The following SLC9C1 variants were observed in gnomAD, a reference collection of about 807,000 sequenced individuals.
SLC9C1 encodes solute carrier family 9 member C1.
A neutral mutation model predicts 140.9 loss-of-function variants in SLC9C1; 97 were observed. The observed-to-expected ratio is 0.69, with a 90% CI of 0.58 to 0.82. SLC9C1 has a LOEUF of 0.82. Among genes scored for constraint, SLC9C1 ranks in the 40% least tolerant of loss-of-function variants. The pLI, the probability that SLC9C1 is intolerant of heterozygous loss-of-function variation, is 0.00. For missense variants in SLC9C1, 1,340 were observed against 1,389.3 expected, an observed-to-expected ratio of 0.96 and a Z score of 0.56; for synonymous variants, 440 against 442.6, an observed-to-expected ratio of 0.99 and a Z score of 0.07.
At position 112,256,391 on chromosome 3, in the gene SLC9C1, G is replaced by C. The variant is rs1237861289; in HGVS notation, c.1197+6533C>G. Among the ~76,000 whole-genome samples the C allele has an allele frequency of 3.3e-5, 5 of 152,070 alleles. No individual in the cohort carries two copies. In the East Asian group the frequency reaches 5.8e-4, roughly 18 times the overall value. The stretch of plus-strand genomic sequence containing the variant: ...AAGCTAAGCCACCACAATCAAGTAG[G>C]CTTGATTGGGATGCAAGGTTGGTTC... On this transcript the variant is annotated intron_variant, in intron 10 of 28. Coordinates refer to ENST00000305815, the MANE Select transcript of SLC9C1 (RefSeq NM_183061.3).
intron 23 of SLC9C1, among the ~76,000 whole-genome samples, chr3:112,177,769 A>G (rs1174073609): frequency 6.7e-6 from 1 of 149,294 alleles, no homozygotes; most frequent in Non-Finnish European, 1.5e-5. Context: ...TTTGCCTCAT[A>G]TATTTTATTA....
chr3:112,239,425 T>G (rs1454368825), intron 12 of SLC9C1, among the ~76,000 whole-genome samples: 1 of 152,262 alleles, frequency 6.6e-6, no homozygotes, highest in Non-Finnish European at 1.5e-5. Flanking sequence ...TGCCTCGCCC[T>G]GGTTCAACTC....
chr3:112,202,441 A>G, intron 17 of SLC9C1, 42 bp from the exon 18 acceptor site: 1 of 1,540,802 alleles, frequency 6.5e-7, no homozygotes, highest in Non-Finnish European at 8.8e-7. Context: ...TTGCACAAAT[A>G]TCATTTTATG....
intron 23 of SLC9C1, among the ~76,000 whole-genome samples, chr3:112,176,154 G>T (rs1344612431): frequency 6.6e-6 from 1 of 152,136 alleles, no homozygotes; most frequent in Non-Finnish European, 1.5e-5. Flanking sequence ...TAGTGGAGTG[G>T]GTCCTCCTGA....
intron 13 of SLC9C1, 120 bp downstream of exon 13, chr3:112,231,241 C>G: frequency 8.5e-7 from 1 of 1,177,522 alleles, no homozygotes; most frequent in South Asian, 1.6e-5. Context: ...CAATGTCAAA[C>G]TTCCCTTTGC....
At chr3:112,159,176 A>G (rs1044222024) in intron 26 of SLC9C1, among the ~76,000 whole-genome samples, 9 of 151,644 alleles carry the variant, frequency 5.9e-5, no homozygotes, top group Admixed American at 1.3e-4. Flanking sequence ...TATATCTCAT[A>G]GGCTCTGGAA....
chr3:112,160,126 T>G (rs2075249126), intron 26 of SLC9C1, among the ~76,000 whole-genome samples: 1 of 151,870 alleles, frequency 6.6e-6, no homozygotes, highest in African/African-American at 2.4e-5. Context: ...CTAGTTGTTT[T>G]GTAACTATTC....
intron 7 of SLC9C1, among the ~76,000 whole-genome samples, chr3:112,268,475 TTTG>T (rs1336521734): frequency 6.6e-6 from 1 of 152,224 alleles, no homozygotes; most frequent in African/African-American, 2.4e-5. Flanking sequence ...GTCCAAACTA[TTTG>T]TTAAGTTTAT....
In SLC9C1 at chr3:112,180,600, G is replaced by A; in HGVS notation, c.2712C>T (p.Pro904=). Reference sequence around the variant, plus strand: ...CTGAAATAATGATATAGATTCCTTTGGGCTCATCACCTTCTTCAAATATAT... The same window carrying A: ...CTGAAATAATGATATAGATTCCTTTAGGCTCATCACCTTCTTCAAATATAT... ...GNDIFEEGDE[P]KGIYIIISGM... is the part of the protein sequence containing the mutation. Residue 904 remains proline (P), a synonymous_variant, in exon 22 of 29, where the codon CCC becomes CCT. Coordinates refer to ENST00000305815, the MANE Select transcript of SLC9C1 (RefSeq NM_183061.3). 1 of 1,612,992 alleles carries A rather than the reference G, an allele frequency of 6.2e-7. No homozygotes were observed. Among genetic ancestry groups the A allele is most frequent in the Non-Finnish European group, 8.5e-7 (1 of 1,179,678 alleles).
chr3:112,261,501 TGA>T (rs750028145), intron 10 of SLC9C1, among the ~76,000 whole-genome samples: 7 of 152,018 alleles, frequency 4.6e-5, no homozygotes, highest in Non-Finnish European at 1.0e-4. Flanking sequence ...ACATAACTTA[TGA>T]GTAGTAGAGA....
chr3:112,210,503 C>G (rs1246381599), intron 15 of SLC9C1, among the ~76,000 whole-genome samples: 2 of 152,136 alleles, frequency 1.3e-5, no homozygotes, highest in Non-Finnish European at 2.9e-5. Context: ...TTCACAGGGA[C>G]AGAAAACAGA....
intron 5 of SLC9C1, among the ~76,000 whole-genome samples, chr3:112,276,433 C>A (rs1260503893): frequency 6.6e-6 from 1 of 151,524 alleles, no homozygotes; most frequent in Non-Finnish European, 1.5e-5. Flanking sequence ...CACATATATA[C>A]ATATATCTAA....
At chr3:112,290,228 A>G (rs995886386) in intron 1 of SLC9C1, among the ~76,000 whole-genome samples, 2 of 152,228 alleles carry the variant, frequency 1.3e-5, no homozygotes, top group African/African-American at 4.8e-5. Flanking sequence ...TACCACAGTT[A>G]CACATTCCTA....
intron 12 of SLC9C1, among the ~76,000 whole-genome samples, chr3:112,233,204 G>A (rs1024291693): frequency 5.9e-5 from 9 of 151,736 alleles, no homozygotes; most frequent in Non-Finnish European, 1.3e-4. Context: ...GAGTAGCGGG[G>A]ACTACAGATG....
intron 10 of SLC9C1, among the ~76,000 whole-genome samples, chr3:112,246,562 G>A (rs2079290717): frequency 6.6e-6 from 1 of 152,008 alleles, no homozygotes; most frequent in African/African-American, 2.4e-5. Flanking sequence ...ACTAGATTTA[G>A]AGCTGCTTCT....
intron 2 of SLC9C1, among the ~76,000 whole-genome samples, chr3:112,285,300 A>G (rs1259307582): frequency 6.6e-6 from 1 of 152,144 alleles, no homozygotes; most frequent in Non-Finnish European, 1.5e-5. Context: ...GAGCAGAGGT[A>G]TGATCTCGGC....
intron 1 of SLC9C1, among the ~76,000 whole-genome samples, chr3:112,287,319 A>C (rs115769471): frequency 0.011 from 1,659 of 152,348 alleles, 31 homozygotes; most frequent in African/African-American, 0.037. Context: ...AAAGCAGGGA[A>C]GAATATTTGG....
chr3:112,278,972 A>G (rs1389141314), intron 3 of SLC9C1, 115 bp from the exon 4 acceptor site: 2 of 1,033,346 alleles, frequency 1.9e-6, no homozygotes, highest in Non-Finnish European at 2.8e-6. Context: ...AAGATATATC[A>G]CACAAAGGAG....
chr3:112,250,527 C>T (rs1559714360), intron 10 of SLC9C1, among the ~76,000 whole-genome samples: 1 of 150,134 alleles, frequency 6.7e-6, no homozygotes, highest in East Asian at 2.0e-4. Context: ...ACAGTCCCAC[C>T]AACAGTGTAA....
Sources: allele counts gnomAD v4.1 joint callset (sites outside exome capture counted in the v4.1 genomes callset), GRCh38; gene constraint gnomAD v4.1.1; transcripts MANE v1.5; gene names NCBI Gene and HGNC (gene_info 2026-07-23, HGNC 2026-07-21).